Variants in DMD observed in about 807,000 individuals in gnomAD.
The protein encoded by DMD is mutant dystrophin.
In DMD, 63 loss-of-function variants were observed where a neutral mutation model predicts 330.1. That is an observed-to-expected ratio of 0.19 (90% CI 0.16 to 0.24). DMD has a LOEUF of 0.24. DMD is among the 10% of genes least tolerant of loss of function. The probability of loss-of-function intolerance (pLI) is 1.00; values close to 1 mark genes in which losing one functional copy is unlikely to be tolerated. For synonymous variants in DMD, 1,223 were observed against 959.8 expected (o/e 1.27, Z -5.07); for missense variants, 3,344 against 2,684.1 (o/e 1.25, Z -5.43).
chrX:32,819,123 G>A (rs2078012450), intron 5 of DMD, among the ~76,000 whole-genome samples: 1 of 107,868 alleles, frequency 9.3e-6, no homozygotes, highest in South Asian at 4.1e-4. Context: ...TGCAGCAGAG[G>A]AATAGAAATG....
At chrX:32,527,512 T>A (rs1276911817) in intron 17 of DMD, among the ~76,000 whole-genome samples, 1 of 110,078 alleles carries the variant, frequency 9.1e-6, no homozygotes, top group Non-Finnish European at 1.9e-5. Context: ...TTGATCAACC[T>A]CTCTCTACTC....
intron 11 of DMD, among the ~76,000 whole-genome samples, chrX:32,639,471 G>A (rs988316689): frequency 5.3e-5 from 6 of 112,194 alleles, no homozygotes; most frequent in African/African-American, 1.9e-4. Context: ...GAAAGGAATG[G>A]CACTTAGTTT....
At chrX:33,009,789 T>C (rs1213060711) in intron 2 of DMD, among the ~76,000 whole-genome samples, 1 of 22,749 alleles carries the variant, frequency 4.4e-5, no homozygotes, top group Non-Finnish European at 9.3e-5. Flanking sequence ...CATATGTGTA[T>C]ATGTGTGTAT....
chrX:31,983,491 G>T (rs922731710), intron 44 of DMD, among the ~76,000 whole-genome samples: 8 of 111,462 alleles, frequency 7.2e-5, no homozygotes, highest in African/African-American at 2.6e-4. Flanking sequence ...GGTTAGCTAT[G>T]TATTGCACAT....
intron 37 of DMD, among the ~76,000 whole-genome samples, chrX:32,353,757 GAA>G (rs1043293955): frequency 1.5e-4 from 17 of 110,944 alleles, no homozygotes; most frequent in African/African-American, 5.2e-4. Context: ...ATATAAATTA[GAA>G]GACAGGGAAG....
chrX:32,736,294 A>G (rs1209965962), intron 7 of DMD, among the ~76,000 whole-genome samples: 2 of 111,514 alleles, frequency 1.8e-5, no homozygotes, highest in East Asian at 5.7e-4. Context: ...GTGGAGAAAT[A>G]GGAACACTTT....
At chrX:33,134,970 A>G (rs2095518346) in intron 1 of DMD, among the ~76,000 whole-genome samples, 1 of 111,892 alleles carries the variant, frequency 8.9e-6, no homozygotes, top group Non-Finnish European at 1.9e-5. Flanking sequence ...AGTCCAGTTC[A>G]GTAGGTATAA....
rs2041424314 is a variant in DMD at position 31,183,778 on chromosome X, G to C, written c.9808-874C>G. On this transcript the variant is annotated intron_variant, in intron 67 of 78. Transcript: ENST00000357033. Reference sequence around the variant, plus strand: ...ATCTCAAATCTTCCATCTGGGATTAGTTCTGCCTGAAATATGTCCCTTAGA... The same window carrying C: ...ATCTCAAATCTTCCATCTGGGATTACTTCTGCCTGAAATATGTCCCTTAGA... Among the ~76,000 whole-genome samples, 3 of 109,550 alleles carry C rather than the reference G, an allele frequency of 2.7e-5. No homozygotes were observed. The South Asian group carries it at 1.2e-3, about 44-fold the overall frequency.
At chrX:32,881,733 T>C (rs2083963195) in intron 2 of DMD, among the ~76,000 whole-genome samples, 1 of 112,328 alleles carries the variant, frequency 8.9e-6, no homozygotes, top group African/African-American at 3.2e-5. Flanking sequence ...TTATTTTCCA[T>C]ATATCTTATT....
intron 29 of DMD, among the ~76,000 whole-genome samples, chrX:32,413,951 C>A (rs2098155631): frequency 9.1e-6 from 1 of 110,109 alleles, no homozygotes; most frequent in African/African-American, 3.3e-5. Context: ...AAACTCCTGA[C>A]CTAAGATGAT....
At chrX:31,465,858 C>T (rs56180348) in intron 59 of DMD, among the ~76,000 whole-genome samples, 16 of 112,061 alleles carry the variant, frequency 1.4e-4, no homozygotes, top group African/African-American at 4.9e-4. Context: ...CACATCTTCC[C>T]CAGCACCTGA....
chrX:32,717,451 G>C (rs2065847029), intron 7 of DMD, among the ~76,000 whole-genome samples: 1 of 111,955 alleles, frequency 8.9e-6, no homozygotes, highest in Non-Finnish European at 1.9e-5. Flanking sequence ...TGCAGAGTGT[G>C]AGAGTTGAGG....
At chrX:31,245,147 C>T (rs2048710071) in intron 63 of DMD, among the ~76,000 whole-genome samples, 1 of 111,712 alleles carries the variant, frequency 9.0e-6, no homozygotes, top group African/African-American at 3.3e-5. Context: ...AATAGCAGTT[C>T]ACTTGGTTTT....
rs759335064 is a variant in DMD, at chrX:31,844,512, GT to G, written c.7099-7694del. On this transcript the variant is annotated intron_variant, in intron 48 of 78. Coordinates refer to ENST00000357033, the MANE Select transcript of DMD (RefSeq NM_004006.3). ...TAGCATTGTTTTTACTCTTCAGACT[GT>G]TTTTTAGATTCATATGAATTTTAGG... Among the ~76,000 whole-genome samples, 11 of 111,398 alleles carry G rather than the reference GT, an allele frequency of 9.9e-5. No individual in the cohort carries two copies. The South Asian group carries it at 4.1e-3, about 42-fold the overall frequency.
intron 2 of DMD, among the ~76,000 whole-genome samples, chrX:32,895,226 G>A (rs762125721): frequency 2.7e-5 from 3 of 112,306 alleles, no homozygotes; most frequent in East Asian, 2.8e-4. Flanking sequence ...GGGCAAACAC[G>A]AATAGTCAGT....
At chrX:31,133,949 C>T (rs1349597216) in intron 77 of DMD, among the ~76,000 whole-genome samples, 153 bp downstream of exon 77, 1 of 112,346 alleles carries the variant, frequency 8.9e-6, no homozygotes, top group African/African-American at 3.2e-5. Flanking sequence ...CACAAATTCA[C>T]ACTTAAAAAT....
At chrX:31,454,552 C>T (rs1338976802) in intron 59 of DMD, among the ~76,000 whole-genome samples, 2 of 111,792 alleles carry the variant, frequency 1.8e-5, no homozygotes, top group African/African-American at 6.5e-5. Flanking sequence ...TAGCTCAAAA[C>T]ATCAGTCTAA....
intron 45 of DMD, among the ~76,000 whole-genome samples, chrX:31,935,825 A>G (rs77942871): frequency 0.096 from 10,649 of 111,002 alleles, 450 homozygotes; most frequent in East Asian, 0.21. Context: ...AAAAAGTAAT[A>G]TCAAACCAAA....
chrX:31,652,599 G>T (rs931702312), intron 54 of DMD, among the ~76,000 whole-genome samples: 4 of 111,992 alleles, frequency 3.6e-5, no homozygotes, highest in Non-Finnish European at 7.5e-5. Context: ...TATGATTAGA[G>T]AAATGAGATA....
Sources: allele counts gnomAD v4.1 joint callset (sites outside exome capture counted in the v4.1 genomes callset), GRCh38; gene constraint gnomAD v4.1.1; transcripts MANE v1.5; gene names NCBI Gene and HGNC (gene_info 2026-07-23, HGNC 2026-07-21).